Variants in ZNF385D observed in about 807,000 individuals in gnomAD.
The protein encoded by ZNF385D is zinc finger protein 385D, also known as zinc finger protein 659.
ZNF385D carries 15 observed loss-of-function variants against 35.8 expected under a neutral mutation model. The ratio of observed to expected loss-of-function variants is 0.42; its 90% CI spans 0.28 to 0.64. The LOEUF (loss-of-function observed/expected upper bound fraction) is 0.64. Ranked by LOEUF, ZNF385D falls within the 30% of genes least tolerant of loss-of-function variation. The pLI is 0.23. For missense variants in ZNF385D, 474 were observed against 494.6 expected (o/e 0.96, Z 0.39); for synonymous variants, 212 against 186.8 (o/e 1.13, Z -1.10).
At chr3:21,755,017 T>C (rs926391457), upstream of ZNF385D, among the ~76,000 whole-genome samples, 1 of 152,216 alleles carries the variant, frequency 6.6e-6, no homozygotes, top group African/African-American at 2.4e-5. Flanking sequence ...GCAGCTGCTC[T>C]TAAATTCCAT....
chr3:22,149,757 CCCTT>C (rs1483292622), intron 3 of ZNF385D, among the ~76,000 whole-genome samples: 1 of 152,160 alleles, frequency 6.6e-6, no homozygotes, highest in Non-Finnish European at 1.5e-5. Flanking sequence ...CTGATTTTCT[CCCTT>C]CTTTCCCAGA....
chr3:21,964,433 GAAAAAAAA>G (rs10558356), intron 3 of ZNF385D, among the ~76,000 whole-genome samples: 2 of 94,472 alleles, frequency 2.1e-5, no homozygotes, highest in East Asian at 4.3e-4. Flanking sequence ...AAAAAAAAAA[GAAAAAAAA>G]AAAAAGAAAA....
At chr3:21,857,334 T>C (rs1211178528) in intron 3 of ZNF385D, among the ~76,000 whole-genome samples, 1 of 152,126 alleles carries the variant, frequency 6.6e-6, no homozygotes, top group Non-Finnish European at 1.5e-5. Flanking sequence ...GTTTTGCTCA[T>C]AGTGTATCCT....
intron 2 of ZNF385D, among the ~76,000 whole-genome samples, chr3:22,222,228 C>T (rs1698300203): frequency 6.6e-6 from 1 of 151,892 alleles, no homozygotes; most frequent in Admixed American, 6.6e-5. Context: ...CTTGGCCTCT[C>T]AAAGTGCTGG....
upstream of ZNF385D, among the ~76,000 whole-genome samples, chr3:21,755,721 C>T (rs2070310060): frequency 6.6e-6 from 1 of 152,134 alleles, no homozygotes; most frequent in Non-Finnish European, 1.5e-5. Flanking sequence ...AACTCCATGA[C>T]CTCATACAAA....
intron 2 of ZNF385D, among the ~76,000 whole-genome samples, chr3:21,634,359 A>G (rs1344916035): frequency 1.3e-5 from 2 of 151,042 alleles, no homozygotes; most frequent in Non-Finnish European, 3.0e-5. Context: ...AAGAAAAGAA[A>G]AAAAGAAAGG....
At chr3:21,735,002 C>T (rs1298627071) in intron 1 of ZNF385D, among the ~76,000 whole-genome samples, 1 of 152,116 alleles carries the variant, frequency 6.6e-6, no homozygotes, top group East Asian at 1.9e-4. Context: ...CCAACAAGTT[C>T]CACCCTTTTA....
At chr3:21,775,794 T>C (rs1380246770) in intron 3 of ZNF385D, among the ~76,000 whole-genome samples, 1 of 151,900 alleles carries the variant, frequency 6.6e-6, no homozygotes, top group African/African-American at 2.4e-5. Context: ...TTGTCTGAGC[T>C]ATAGTTAGTA....
intron 3 of ZNF385D, among the ~76,000 whole-genome samples, chr3:22,004,753 C>G (rs530894725): frequency 6.6e-6 from 1 of 152,268 alleles, no homozygotes; most frequent in South Asian, 2.1e-4. Context: ...ATCAGAAACT[C>G]AAAAGAATGC....
At chr3:22,159,326 T>G (rs1415718661) in intron 3 of ZNF385D, among the ~76,000 whole-genome samples, 1 of 152,106 alleles carries the variant, frequency 6.6e-6, no homozygotes, top group African/African-American at 2.4e-5. Context: ...CATTCTCTTT[T>G]CTTTTTTGGC....
intron 3 of ZNF385D, among the ~76,000 whole-genome samples, chr3:22,030,528 T>TA (rs1032991316): frequency 6.6e-6 from 1 of 151,268 alleles, no homozygotes; most frequent in Non-Finnish European, 1.5e-5. Context: ...ACTGTCATTT[T>TA]AAAAAACATC....
intron 1 of ZNF385D, among the ~76,000 whole-genome samples, chr3:21,686,175 T>C (rs972789208): frequency 3.3e-5 from 5 of 152,200 alleles, no homozygotes; most frequent in Non-Finnish European, 7.3e-5. Flanking sequence ...ATTTGTTAGT[T>C]GTAGATATTT....
At chr3:22,237,281 T>G (rs1046087752) in intron 2 of ZNF385D, among the ~76,000 whole-genome samples, 2 of 152,194 alleles carry the variant, frequency 1.3e-5, no homozygotes, top group African/African-American at 2.4e-5. Flanking sequence ...TTTAAATGAG[T>G]TGAGCATCTT....
intron 3 of ZNF385D, among the ~76,000 whole-genome samples, chr3:22,093,458 C>G (rs1312511836): frequency 5.3e-5 from 8 of 151,750 alleles, no homozygotes; most frequent in Non-Finnish European, 1.0e-4. Flanking sequence ...TCAAAGTAAA[C>G]AGAATGGCTG....
intron 4 of ZNF385D, among the ~76,000 whole-genome samples, chr3:21,485,264 A>C (rs779057971): frequency 2.6e-5 from 4 of 152,190 alleles, no homozygotes; most frequent in Non-Finnish European, 5.9e-5. Flanking sequence ...CTTCTAAAAA[A>C]ATGCTTATCC....
At chr3:21,984,079 G>A (rs1285988516) in intron 3 of ZNF385D, among the ~76,000 whole-genome samples, 1 of 132,466 alleles carries the variant, frequency 7.5e-6, no homozygotes, top group Non-Finnish European at 1.5e-5. Flanking sequence ...TTTGTCAGAT[G>A]AGTAGGTTGC....
At chr3:22,074,420 CA>C (rs1283893342) in intron 3 of ZNF385D, among the ~76,000 whole-genome samples, 3 of 151,842 alleles carry the variant, frequency 2.0e-5, no homozygotes, top group Non-Finnish European at 4.4e-5. Context: ...TGGAGCTAAG[CA>C]AAAAACATTG....
chr3:22,306,209 G>A (rs1703205367), intron 2 of ZNF385D, among the ~76,000 whole-genome samples: 1 of 152,084 alleles, frequency 6.6e-6, no homozygotes, highest in Admixed American at 6.6e-5. Flanking sequence ...CAATTTTCAT[G>A]AGGATGAATT....
intron 3 of ZNF385D, among the ~76,000 whole-genome samples, chr3:21,763,523 C>T (rs967962016): frequency 6.6e-6 from 1 of 152,056 alleles, no homozygotes; most frequent in Non-Finnish European, 1.5e-5. Flanking sequence ...GAAATCCTTT[C>T]AAATGAATAT....
Sources: gnomAD v4.1 joint callset for allele counts (sites outside exome capture counted in the v4.1 genomes callset) on GRCh38, gnomAD v4.1.1 for gene constraint, MANE v1.5 for transcripts, NCBI Gene and HGNC (gene_info 2026-07-23, HGNC 2026-07-21) for gene names.